The following ZHX2 variants were observed in gnomAD, a reference collection of about 807,000 sequenced individuals.
ZHX2 encodes zinc fingers and homeoboxes 2.
Under a neutral mutation model 21.9 loss-of-function variants are expected in ZHX2, and 6 were observed. The observed-to-expected ratio is 0.27, with a 90% CI of 0.15 to 0.54. ZHX2 has a LOEUF of 0.54. Among genes scored for constraint, ZHX2 ranks in the 20% least tolerant of loss-of-function variants. The pLI, the probability that ZHX2 is intolerant of heterozygous loss-of-function variation, is 0.95. For synonymous variants in ZHX2, 434 were observed against 437.1 expected, an observed-to-expected ratio of 0.99 and a Z score of 0.09; for missense variants, 908 against 1,090.7, an observed-to-expected ratio of 0.83 and a Z score of 2.36.
At chr8:122,891,968 T>C (rs1194514966) in intron 2 of ZHX2, among the ~76,000 whole-genome samples, 1 of 152,212 alleles carries the variant, frequency 6.6e-6, no homozygotes, top group Non-Finnish European at 1.5e-5. Context: ...AATAGGATAC[T>C]GGTTTGGTGA....
chr8:122,834,376 G>T (rs541665411), intron 1 of ZHX2, among the ~76,000 whole-genome samples: 1 of 152,186 alleles, frequency 6.6e-6, no homozygotes, highest in Non-Finnish European at 1.5e-5. Flanking sequence ...GGGGTCCTCC[G>T]CAGAGGGGGC....
At chr8:122,874,711 A>G (rs899842515) in intron 2 of ZHX2, among the ~76,000 whole-genome samples, 5 of 152,200 alleles carry the variant, frequency 3.3e-5, no homozygotes, top group Admixed American at 2.0e-4. Context: ...CCTAAAAGTC[A>G]GTTATCTCCA....
chr8:122,920,299 A>C, intron 2 of ZHX2, among the ~76,000 whole-genome samples: 1 of 152,256 alleles, frequency 6.6e-6, no homozygotes, highest in East Asian at 1.9e-4. Flanking sequence ...AAAAAATTCA[A>C]ATTGAATCCT....
In ZHX2 at chr8:122,860,148, G is replaced by T. The variant is rs145673464; in HGVS notation, c.-282-3329G>T. On this transcript the variant is annotated intron_variant, in intron 1 of 3. Transcript: ENST00000314393. ...CTTCACAAGGCAGCAGGAAGGAGAC[G>T]CAGTGAGCGAAGGGGGAAGAGCTCC... Among the ~76,000 whole-genome samples, 439 of 152,324 alleles carry T rather than the reference G, an allele frequency of 2.9e-3. 1 individual carries two copies. The highest frequency in any genetic ancestry group is 0.01 in the African/African-American group (422 of 41,578).
intron 2 of ZHX2, among the ~76,000 whole-genome samples, chr8:122,880,595 T>C (rs1230855076): frequency 2.0e-5 from 3 of 151,866 alleles, no homozygotes. Flanking sequence ...GGCAACATGG[T>C]GAAATCCCAT....
At chr8:122,869,632 C>A (rs908681743) in intron 2 of ZHX2, among the ~76,000 whole-genome samples, 1 of 152,232 alleles carries the variant, frequency 6.6e-6, no homozygotes, top group African/African-American at 2.4e-5. Flanking sequence ...GCAGGTCCTG[C>A]AGCCTCCTCT....
chr8:122,917,993 T>G (rs1404581920), intron 2 of ZHX2, among the ~76,000 whole-genome samples: 1 of 152,182 alleles, frequency 6.6e-6, no homozygotes, highest in Non-Finnish European at 1.5e-5. Context: ...ATGATTCCAC[T>G]CTTTTCTTAC....
At chr8:122,905,174 A>T (rs1250141087) in intron 2 of ZHX2, among the ~76,000 whole-genome samples, 1 of 152,226 alleles carries the variant, frequency 6.6e-6, no homozygotes, top group East Asian at 1.9e-4. Flanking sequence ...TTTGCCATAA[A>T]CCTACAGATT....
intron 1 of ZHX2, chr8:122,808,731 C>T (rs1426087456): frequency 6.6e-6 from 1 of 152,228 alleles, no homozygotes; most frequent in Non-Finnish European, 1.5e-5. Context: ...ATTCTCACCA[C>T]ACTCCTTCCA....
chr8:122,853,753 A>C (rs1318406968), intron 1 of ZHX2, among the ~76,000 whole-genome samples: 1 of 151,176 alleles, frequency 6.6e-6, no homozygotes. Flanking sequence ...CCTCCCACCC[A>C]CTATCTCCCC....
At chr8:122,923,615 A>G (rs1371537541) in intron 2 of ZHX2, among the ~76,000 whole-genome samples, 1 of 152,214 alleles carries the variant, frequency 6.6e-6, no homozygotes, top group Non-Finnish European at 1.5e-5. Context: ...TTAATCTGCC[A>G]CAGTGTCTGC....
chr8:122,827,159 A>G (rs994857268), intron 1 of ZHX2, among the ~76,000 whole-genome samples: 9 of 152,112 alleles, frequency 5.9e-5, no homozygotes, highest in East Asian at 3.9e-4. Context: ...AGCTGTGACT[A>G]CAAGTTTGCG....
At chr8:122,818,182 A>G (rs897403492) in intron 1 of ZHX2, among the ~76,000 whole-genome samples, 1 of 152,130 alleles carries the variant, frequency 6.6e-6, no homozygotes, top group Non-Finnish European at 1.5e-5. Context: ...GCATTGGGTC[A>G]ATTCTAACAT....
At chr8:122,962,272 C>A (rs1813475717) in intron 3 of ZHX2, among the ~76,000 whole-genome samples, 1 of 152,050 alleles carries the variant, frequency 6.6e-6, no homozygotes. Flanking sequence ...TATCCCTGAC[C>A]CCCCTCTCAT....
chr8:122,971,445 T>C (rs1813717570), intron 3 of ZHX2, among the ~76,000 whole-genome samples: 1 of 151,822 alleles, frequency 6.6e-6, no homozygotes, highest in African/African-American at 2.4e-5. Flanking sequence ...TGCAGACTTT[T>C]CTTTTATAAA....
chr8:122,820,536 G>A (rs1563741640), intron 1 of ZHX2, among the ~76,000 whole-genome samples: 1 of 152,194 alleles, frequency 6.6e-6, no homozygotes, highest in Non-Finnish European at 1.5e-5. Flanking sequence ...GACTGAACAG[G>A]ACAAGGGAGC....
chr8:122,907,420 T>C (rs1367101616), intron 2 of ZHX2, among the ~76,000 whole-genome samples: 1 of 152,170 alleles, frequency 6.6e-6, no homozygotes, highest in African/African-American at 2.4e-5. Flanking sequence ...TCCTTTTGAG[T>C]CTCTGATTAG....
chr8:122,935,152 TGTGTC>T (rs1812649164), intron 2 of ZHX2, among the ~76,000 whole-genome samples: 2 of 150,682 alleles, frequency 1.3e-5, no homozygotes, highest in Non-Finnish European at 2.9e-5. Context: ...TTCCTCTCTC[TGTGTC>T]TTTTTTTTTT....
At chr8:122,954,452 C>T (rs1476112886) in intron 3 of ZHX2, among the ~76,000 whole-genome samples, 4 of 152,162 alleles carry the variant, frequency 2.6e-5, no homozygotes, top group Admixed American at 2.6e-4. Context: ...GGACTTCAGG[C>T]ATCTGCCACC....
Sources: allele counts gnomAD v4.1 joint callset (sites outside exome capture counted in the v4.1 genomes callset), GRCh38; gene constraint gnomAD v4.1.1; transcripts MANE v1.5; gene names NCBI Gene and HGNC (gene_info 2026-07-23, HGNC 2026-07-21).